Variants in HEPACAM observed in about 807,000 individuals in gnomAD.
HEPACAM encodes the protein hepatic and glial cell adhesion molecule, also known as hepatocyte cell adhesion molecule.
Under a neutral mutation model 38.3 loss-of-function variants are expected in HEPACAM, and 18 were observed. The ratio of observed to expected loss-of-function variants is 0.47; its 90% CI spans 0.33 to 0.70. HEPACAM has a LOEUF of 0.70. Ranked by LOEUF, HEPACAM falls within the 30% of genes least tolerant of loss-of-function variation. The pLI is 0.03. For synonymous variants in HEPACAM, 216 were observed against 243.1 expected (o/e 0.89, Z 1.04); for missense variants, 466 against 563.0 (o/e 0.83, Z 1.74).
rs975513974 is a variant in HEPACAM at position 124,924,649 on chromosome 11, A to G, written c.427+79T>C. On this transcript the variant is annotated intron_variant, in intron 2 of 6. Transcript: ENST00000298251. This position sits in a 1 kb window ranked among gnomAD's most constrained non-coding sequence, Gnocchi z 4.4. The stretch of plus-strand genomic sequence containing the variant: ...GTGCCTTTTGGGTTGGTTTTCCCTC[A>G]GTCTAGCTGGTGCGCTGGGCAGACC... The G allele has an allele frequency of 1.5e-6, 2 of 1,350,706 alleles. No individual in the cohort carries two copies. Among genetic ancestry groups the G allele is most frequent in the African/African-American group, 2.9e-5 (2 of 69,918 alleles). 83.7% of individuals were successfully genotyped at this position (1,350,706 alleles called of 1,614,324 possible).
chr11:124,935,194 C>G (rs1387638629), intron 1 of HEPACAM, among the ~76,000 whole-genome samples: 1 of 152,132 alleles, frequency 6.6e-6, no homozygotes, highest in Non-Finnish European at 1.5e-5. Flanking sequence ...TGACCTTTCT[C>G]TGATTGCTAT....
rs888791563 is a variant in HEPACAM, at chr11:124,921,452, C to T, written c.949-12G>A. 6.3e-6 allele frequency: 8 copies of T among 1,260,360 alleles called. No homozygotes were observed. The African/African-American group carries it at 1.1e-4, about 17-fold the overall frequency. The allele number at this position is 1,260,360 out of a possible 1,614,324, so 78.1% of individuals were successfully genotyped here. A position where few individuals can be genotyped will look rare whatever the true frequency, so the allele number is the denominator to read the frequency against. On this transcript the variant is annotated splice_polypyrimidine_tract_variant and intron_variant, in intron 6 of 6. Transcript: ENST00000298251. The surrounding 1 kb of genome is among the most constrained non-coding windows in gnomAD (Gnocchi z 4.6). ...GTCTCCGGGGAGTCCTGCAAGGACA[C>T]GCGCCGCAGGGGTCAGGGGACAGTC...
chr11:124,925,143 C>T, intron 1 of HEPACAM, 74 bp from the exon 2 acceptor site: 3 of 1,171,048 alleles, frequency 2.6e-6, no homozygotes, highest in African/African-American at 1.5e-5. Flanking sequence ...AACTTTAAGC[C>T]CTCTGATCTC....
Position 124,922,361 on chromosome 11 carries a change from C to T in HEPACAM, c.948+27G>A, listed in dbSNP as rs749841581. 4 of 1,607,412 alleles carry T rather than the reference C, an allele frequency of 2.5e-6. No homozygotes were observed. In the South Asian group the frequency reaches 4.4e-5, roughly 18 times the overall value. On this transcript the variant is annotated intron_variant, in intron 6 of 6. Coordinates refer to ENST00000298251, the MANE Select transcript of HEPACAM (RefSeq NM_152722.5). ...TGTGGGAGGGGATCACTGCATGTTT[C>T]TGGGCACCCAGTCCAGAGCCGCTCA...
chr11:124,922,340 G>A, intron 6 of HEPACAM, 48 bp downstream of exon 6: 1 of 1,521,648 alleles, frequency 6.6e-7, no homozygotes, highest in Non-Finnish European at 9.1e-7. Flanking sequence ...CAGGCATGTG[G>A]GAGGGGATCA....
rs1203333132 is a variant in HEPACAM at position 124,921,163 on chromosome 11, G to T, written c.1226C>A (p.Ala409Asp). Residue 409 changes from alanine to aspartate, a missense_variant, in exon 7 of 7, where the codon GCC (alanine) becomes GAC (aspartate). Coordinates refer to ENST00000298251, the MANE Select transcript of HEPACAM (RefSeq NM_152722.5). The surrounding 1 kb of genome is among the most constrained non-coding windows in gnomAD (Gnocchi z 4.6). ...GVHIIREQDE[A>D]GPVEISA ...TCAGGCGCTGATCTCCACCGGGCCG[G>T]CCTCGTCTTGCTCGCGGATTATGTG... The T allele has an allele frequency of 6.5e-7, 1 of 1,527,938 alleles. No individual in the cohort carries two copies. Among genetic ancestry groups the T allele is most frequent in the Non-Finnish European group, 8.7e-7 (1 of 1,144,530 alleles). The allele number at this position is 1,527,938 out of a possible 1,614,324, so 94.6% of individuals were successfully genotyped here.
rs1947145008 is a variant in HEPACAM, at chr11:124,921,959, T to C, written c.948+429A>G. ...AGGACTGGTACTGGTCCATAGCCTG[T>C]TAGGAAGGGAGCGGCAGAGCAGGAG... On this transcript the variant is annotated intron_variant, in intron 6 of 6. Transcript: ENST00000298251. This position sits in a 1 kb window ranked among gnomAD's most constrained non-coding sequence, Gnocchi z 4.6. Among the ~76,000 whole-genome samples, 1 of 152,200 alleles carries C rather than the reference T, an allele frequency of 6.6e-6. No homozygotes were observed. Among genetic ancestry groups the C allele is most frequent in the Non-Finnish European group, 1.5e-5 (1 of 68,022 alleles).
chr11:124,932,825 A>G (rs1947294454), intron 1 of HEPACAM, among the ~76,000 whole-genome samples: 1 of 152,206 alleles, frequency 6.6e-6, no homozygotes, highest in Non-Finnish European at 1.5e-5. Context: ...TCTACCTGGA[A>G]GAAAAGAAGA....
In HEPACAM at chr11:124,920,966, G is replaced by A; in HGVS notation, c.*172C>T. 1.5e-6 allele frequency: 2 copies of A among 1,361,652 alleles called. No homozygotes were observed. Among genetic ancestry groups the A allele is most frequent in the South Asian group, 3.5e-5 (2 of 57,794 alleles). 84.3% of individuals were successfully genotyped at this position (1,361,652 alleles called of 1,614,324 possible). On this transcript the variant is annotated 3_prime_UTR_variant, in exon 7 of 7. Transcript: ENST00000298251. ...TCACCATATCAACACTGCCGCCTCC[G>A]CGCACCCGCCTCCGTCTGCGCATGC...
chr11:124,924,996 A>C lies in HEPACAM; in HGVS notation c.159T>G (p.Leu53=), dbSNP rs1947188675. 6.2e-7 allele frequency: 1 copy of C among 1,608,972 alleles called. No individual in the cohort carries two copies. Among genetic ancestry groups the C allele is most frequent in the Non-Finnish European group, 8.5e-7 (1 of 1,175,758 alleles). ...TGCTGGTACTGCTGTACTGCACAGA[A>C]AGCAGAGCCGACTTCCCCACGGTGC... The part of the protein sequence containing the change: ...IHGTVGKSAL[L]SVQYSSTSSD... The change falls in exon 2 of 7, where the codon CTT becomes CTG. Residue 53 remains leucine, a synonymous_variant. Coordinates refer to ENST00000298251, the MANE Select transcript of HEPACAM (RefSeq NM_152722.5). The surrounding 1 kb of genome is among the most constrained non-coding windows in gnomAD (Gnocchi z 4.4).
intron 1 of HEPACAM, 116 bp downstream of exon 1, chr11:124,935,806 C>G (rs532069997): frequency 1.2e-6 from 1 of 824,542 alleles, no homozygotes; most frequent in Non-Finnish European, 2.1e-6. Flanking sequence ...CCCACGGCAG[C>G]TGAACTCTCC....
chr11:124,932,730 G>A (rs1046058916), intron 1 of HEPACAM, among the ~76,000 whole-genome samples: 3 of 152,180 alleles, frequency 2.0e-5, no homozygotes, highest in Non-Finnish European at 4.4e-5. Context: ...AAGAGAACTA[G>A]TGCAAGTGAT....
intron 1 of HEPACAM, among the ~76,000 whole-genome samples, chr11:124,934,293 T>C (rs1947316626): frequency 6.6e-6 from 1 of 152,092 alleles, no homozygotes; most frequent in Non-Finnish European, 1.5e-5. Context: ...ATAATTTCAG[T>C]CCATGTTATT....
In HEPACAM at chr11:124,924,690, C is replaced by CT; in HGVS notation, c.427+37dup. ...TGGGCAGACCTTTCCCTAGTCCCACCTGCCAGTCTTGCCTCTTTCCCTGCC... is the reference window on the plus strand; with the variant it reads ...TGGGCAGACCTTTCCCTAGTCCCACCTTGCCAGTCTTGCCTCTTTCCCTGCC... On this transcript the variant is annotated intron_variant, in intron 2 of 6. Transcript: ENST00000298251. This position sits in a 1 kb window ranked among gnomAD's most constrained non-coding sequence, Gnocchi z 4.4. 1 of 1,570,086 alleles carries CT rather than the reference C, an allele frequency of 6.4e-7. No homozygotes were observed. Among genetic ancestry groups the CT allele is most frequent in the Non-Finnish European group, 8.8e-7 (1 of 1,139,982 alleles).
In HEPACAM at chr11:124,920,184, G is replaced by A; in HGVS notation, c.*954C>T. The A allele has an allele frequency of 1.1e-6, 1 of 895,738 alleles. No individual in the cohort carries two copies. The highest frequency in any genetic ancestry group is 1.7e-6 in the Non-Finnish European group (1 of 589,464). The allele number at this position is 895,738 out of a possible 1,614,324, so 55.5% of individuals were successfully genotyped here. On this transcript the variant is annotated 3_prime_UTR_variant, in exon 7 of 7. Transcript: ENST00000298251. ...CTGGAGATTAGGACTTATTCTCACA[G>A]CTGGAGGAAGCTCAACAACTTTCCT... is the stretch of plus-strand genomic sequence containing the variant.
Position 124,924,678 on chromosome 11 carries a change from C to G in HEPACAM, c.427+50G>C. ...TAGCTGGTGCGCTGGGCAGACCTTT[C>G]CCTAGTCCCACCTGCCAGTCTTGCC... is the stretch of plus-strand genomic sequence containing the variant. On this transcript the variant is annotated intron_variant, in intron 2 of 6. Coordinates refer to ENST00000298251, the MANE Select transcript of HEPACAM (RefSeq NM_152722.5). The surrounding 1 kb of genome is among the most constrained non-coding windows in gnomAD (Gnocchi z 4.4). 6.6e-7 allele frequency: 1 copy of G among 1,521,796 alleles called. No individual in the cohort carries two copies. Among genetic ancestry groups the G allele is most frequent in the Non-Finnish European group, 9.1e-7 (1 of 1,097,496 alleles). 94.3% of individuals were successfully genotyped at this position (1,521,796 alleles called of 1,614,324 possible). A position where few individuals can be genotyped will look rare whatever the true frequency, so the allele number is the denominator to read the frequency against.
intron 1 of HEPACAM, among the ~76,000 whole-genome samples, chr11:124,926,467 A>G (rs1322487645): frequency 4.6e-5 from 7 of 152,148 alleles, no homozygotes; most frequent in Admixed American, 1.3e-4. Flanking sequence ...CACTTGTCCA[A>G]TGGATGCCCT....
At position 124,924,795 on chromosome 11, in the gene HEPACAM, A is replaced by G; in HGVS notation, c.360T>C (p.Tyr120=). The part of the protein sequence containing the change: ...SDLQLADEGT[Y]EVEISITDDT... ...CGTCGGTGATGGAGATCTCGACCTC[A>G]TAGGTGCCCTCATCGGCCAGCTGCA... Residue 120 remains tyrosine (Y), a synonymous_variant, in exon 2 of 7, where the codon TAT becomes TAC. Coordinates refer to ENST00000298251, the MANE Select transcript of HEPACAM (RefSeq NM_152722.5). The surrounding 1 kb of genome is among the most constrained non-coding windows in gnomAD (Gnocchi z 4.4). 6.2e-7 allele frequency: 1 copy of G among 1,614,056 alleles called. No individual in the cohort carries two copies. The highest frequency in any genetic ancestry group is 1.1e-5 in the South Asian group (1 of 91,086).
At chr11:124,935,773 T>A in intron 1 of HEPACAM, 149 bp downstream of exon 1, 1 of 724,120 alleles carries the variant, frequency 1.4e-6, no homozygotes, top group Non-Finnish European at 2.5e-6. Context: ...TCAACGCTAA[T>A]GCCTGAATTC....
Sources: gnomAD v4.1 joint callset for allele counts (sites outside exome capture counted in the v4.1 genomes callset) on GRCh38, gnomAD v4.1.1 for gene constraint, Gnocchi (gnomAD v3.1) non-coding constraint, MANE v1.5 for transcripts, NCBI Gene and HGNC (gene_info 2026-07-23, HGNC 2026-07-21) for gene names.